NUMBL: variants seen among roughly 807,000 people sequenced by gnomAD.
The protein encoded by NUMBL is numb-like protein.
Under a neutral mutation model 48.9 loss-of-function variants are expected in NUMBL, and 20 were observed. The observed-to-expected ratio is 0.41, with a 90% CI of 0.29 to 0.59. The LOEUF (loss-of-function observed/expected upper bound fraction) is 0.59, where lower values mean the gene tolerates loss of function less well. Among genes scored for constraint, NUMBL ranks in the 20% least tolerant of loss-of-function variants. NUMBL has a pLI of 0.31. For missense variants in NUMBL, 660 were observed against 846.2 expected (o/e 0.78, Z 2.73); for synonymous variants, 340 against 348.7 (o/e 0.98, Z 0.28).
Position 40,677,269 on chromosome 19 carries a change from C to T in NUMBL, c.693G>A (p.Gly231=), listed in dbSNP as rs2144656853. ...CCGGGGCCTCTCGCTCAGCAGGCCG[C>T]CCACCCCCAGACAGGCGGAAGGAGC... ...REGSFRLSGG[G]RPAEREAPDK... is the part of the protein sequence containing the mutation. The change falls in exon 7 of 10, where the codon GGG becomes GGA. Residue 231 remains glycine, a synonymous_variant. Coordinates refer to ENST00000252891, the MANE Select transcript of NUMBL (RefSeq NM_004756.5). 6.3e-7 allele frequency: 1 copy of T among 1,594,066 alleles called. No homozygotes were observed. Among genetic ancestry groups the T allele is most frequent in the Non-Finnish European group, 8.5e-7 (1 of 1,171,168 alleles).
intron 1 of NUMBL, among the ~76,000 whole-genome samples, chr19:40,689,265 T>C (rs66500423): frequency 0.25 from 37,274 of 151,708 alleles, 5,119 homozygotes; most frequent in Non-Finnish European, 0.31. Flanking sequence ...AAAGACACAA[T>C]CACAGACAAC....
At position 40,682,171 on chromosome 19, in the gene NUMBL, G is replaced by A. The variant is rs1418208709; in HGVS notation, c.399+557C>T. ...GATGGAGTTTAGCTCTTGTTGCCCAGGCTGGAGTGCAATGGCATGATCTCC... is the reference window on the plus strand; with the variant it reads ...GATGGAGTTTAGCTCTTGTTGCCCAAGCTGGAGTGCAATGGCATGATCTCC... On this transcript the variant is annotated intron_variant, in intron 5 of 9. Coordinates refer to ENST00000252891, the MANE Select transcript of NUMBL (RefSeq NM_004756.5). This position sits in a 1 kb window ranked among gnomAD's most constrained non-coding sequence, Gnocchi z 4.0. 2.0e-5 allele frequency among the ~76,000 whole-genome samples: 3 copies of A among 152,022 alleles called. No individual in the cohort carries two copies. The highest frequency in any genetic ancestry group is 7.2e-5 in the African/African-American group (3 of 41,380).
intron 7 of NUMBL, among the ~76,000 whole-genome samples, chr19:40,674,594 C>T (rs1371572768): frequency 6.6e-6 from 1 of 152,182 alleles, no homozygotes; most frequent in African/African-American, 2.4e-5. Context: ...GGATGTCGCC[C>T]AGTGCTGCTT....
chr19:40,675,983 A>G (rs916703855), intron 7 of NUMBL, among the ~76,000 whole-genome samples: 1 of 151,930 alleles, frequency 6.6e-6, no homozygotes, highest in Non-Finnish European at 1.5e-5. Flanking sequence ...CTCCTGCCTC[A>G]GCCTCCTGAG....
intron 1 of NUMBL, chr19:40,689,609 C>CGTCT (rs1314791742): frequency 6.6e-6 from 1 of 152,436 alleles, no homozygotes; most frequent in Non-Finnish European, 1.5e-5. Context: ...TGCAGACAGA[C>CGTCT]AGGGCTGCAC....
intron 1 of NUMBL, among the ~76,000 whole-genome samples, chr19:40,689,224 A>G (rs1445955216): frequency 6.6e-6 from 1 of 152,154 alleles, no homozygotes; most frequent in African/African-American, 2.4e-5. Context: ...ACCCAGTTAT[A>G]GTTACCGAGG....
chr19:40,690,446 C>G lies in NUMBL; in HGVS notation c.24+14G>C. 1 of 1,291,716 alleles carries G rather than the reference C, an allele frequency of 7.7e-7. No homozygotes were observed. The highest frequency in any genetic ancestry group is 9.9e-7 in the Non-Finnish European group (1 of 1,013,318). The allele number at this position is 1,291,716 out of a possible 1,614,324, so 80.0% of individuals were successfully genotyped here. A position where few individuals can be genotyped will look rare whatever the true frequency, so the allele number is the denominator to read the frequency against. On this transcript the variant is annotated intron_variant, in intron 1 of 9. Transcript: ENST00000252891. ...CCGCCCCCGACCCGAGCCCCCCTCT[C>G]CCGCCCTTCTCACGCTGGCCGCCGC...
At position 40,682,982 on chromosome 19, in the gene NUMBL, G is replaced by GA; in HGVS notation, c.250-15dup. ...GTGACCCAGGTACTTGGGTTGGAGG[G>GA]AATGGGGGGGGGGACATGAAACAGC... On this transcript the variant is annotated splice_polypyrimidine_tract_variant and intron_variant, in intron 3 of 9. Transcript: ENST00000252891. The surrounding 1 kb of genome is among the most constrained non-coding windows in gnomAD (Gnocchi z 4.0). The GA allele has an allele frequency of 6.3e-7, 1 of 1,584,596 alleles. No individual in the cohort carries two copies. The highest frequency in any genetic ancestry group is 8.6e-7 in the Non-Finnish European group (1 of 1,161,332).
In NUMBL at chr19:40,667,771, G is replaced by A. The variant is rs2144645603; in HGVS notation, c.1527C>T (p.Gly509=). The A allele has an allele frequency of 2.5e-6, 4 of 1,580,540 alleles. No homozygotes were observed. The highest frequency in any genetic ancestry group is 3.4e-6 in the Non-Finnish European group (4 of 1,163,692). ...TTGCCACCATCTGTGAGGGTGTGAT[G>A]CCCACCACGGGCACCCGGGGCATCG... ...YPPMPRVPVV[G]ITPSQMVANA... Residue 509 remains glycine, a synonymous_variant, in exon 10 of 10, where the codon GGC becomes GGT. Coordinates refer to ENST00000252891, the MANE Select transcript of NUMBL (RefSeq NM_004756.5). The surrounding 1 kb of genome is among the most constrained non-coding windows in gnomAD (Gnocchi z 6.1).
intron 5 of NUMBL, among the ~76,000 whole-genome samples, chr19:40,681,990 A>T (rs535981130): frequency 1.9e-3 from 291 of 152,038 alleles, no homozygotes; most frequent in African/African-American, 6.7e-3. Context: ...AAATTTTTTT[A>T]AAAATTATTT....
At position 40,682,839 on chromosome 19, in the gene NUMBL, G is replaced by A; in HGVS notation, c.325-37C>T. 5.0e-6 allele frequency: 8 copies of A among 1,613,964 alleles called. No individual in the cohort carries two copies. The highest frequency in any genetic ancestry group is 6.8e-6 in the Non-Finnish European group (8 of 1,179,896). On this transcript the variant is annotated intron_variant, in intron 4 of 9. Transcript: ENST00000252891. This position sits in a 1 kb window ranked among gnomAD's most constrained non-coding sequence, Gnocchi z 4.0. ...CAAGGGGACAAAGGAGCCGGGTCAGGGTGCCTCTCCCTGTCTGACCTTGCC... is the reference window on the plus strand; with the variant it reads ...CAAGGGGACAAAGGAGCCGGGTCAGAGTGCCTCTCCCTGTCTGACCTTGCC...
Position 40,686,958 on chromosome 19 carries a change from G to A in NUMBL, c.62C>T (p.Ala21Val), listed in dbSNP as rs1321881909. 9 of 1,537,932 alleles carry A rather than the reference G, an allele frequency of 5.9e-6. No individual in the cohort carries two copies. The highest frequency in any genetic ancestry group is 2.1e-5 in the Admixed American group (1 of 47,196). Residue 21 changes from alanine (A) to valine (V), a missense_variant, in exon 2 of 10, where the codon GCC (alanine) becomes GTC (valine). Around this residue, in one of 3 missense-constraint regions of NUMBL, gnomAD observed 86 missense variants for 85.9 expected, o/e 1.00. Transcript: ENST00000252891. ...PRRPERHLPP[A>V]PCGAPGPPET... ...TGGGGGCCCCGGGGCCCCACAGGGG[G>A]CTGGGGGCAGGTGCCGCTCAGGCCT...
chr19:40,670,135 T>C, intron 8 of NUMBL, 115 bp from the exon 9 acceptor site: 2 of 1,307,898 alleles, frequency 1.5e-6, no homozygotes, highest in Non-Finnish European at 2.0e-6. Flanking sequence ...TTTCCCACTG[T>C]AGTAACTAAG....
chr19:40,686,894 C>A lies in NUMBL; in HGVS notation c.109+17G>T. The A allele has an allele frequency of 6.6e-7, 1 of 1,519,204 alleles. No individual in the cohort carries two copies. The highest frequency in any genetic ancestry group is 8.9e-7 in the Non-Finnish European group (1 of 1,117,910). The allele number at this position is 1,519,204 out of a possible 1,614,324, so 94.1% of individuals were successfully genotyped here. ...CATACCCATTCAGCCCTGCCCTGTC[C>A]CAGGCTGGTCGCTCACCTGGCTCCG... On this transcript the variant is annotated intron_variant, in intron 2 of 9. Transcript: ENST00000252891.
intron 6 of NUMBL, among the ~76,000 whole-genome samples, chr19:40,678,995 G>T (rs1004023416): frequency 6.6e-6 from 1 of 152,104 alleles, no homozygotes; most frequent in Non-Finnish European, 1.5e-5. Context: ...GGAGGCTGTG[G>T]CAGGAGAATC....
chr19:40,685,693 T>C (rs1599914491), intron 2 of NUMBL: 1 of 153,454 alleles, frequency 6.5e-6, no homozygotes, highest in South Asian at 2.1e-4. Context: ...TTTCAAAGGG[T>C]GTGTCCATGG....
intron 7 of NUMBL, among the ~76,000 whole-genome samples, chr19:40,674,703 C>G (rs1486550997): frequency 6.6e-6 from 1 of 152,228 alleles, no homozygotes; most frequent in Non-Finnish European, 1.5e-5. Flanking sequence ...TCTGCCTCCA[C>G]TCACTGTGTG....
chr19:40,682,796 G>C lies in NUMBL; in HGVS notation c.331C>G (p.Arg111Gly). Residue 111 changes from arginine to glycine, a missense_variant, in exon 5 of 10, where the codon CGA becomes GGA. Physicochemically the swap from Arg to Gly is moderately radical, Grantham distance 125. Coordinates refer to ENST00000252891, the MANE Select transcript of NUMBL (RefSeq NM_004756.5). The surrounding 1 kb of genome is among the most constrained non-coding windows in gnomAD (Gnocchi z 4.0). ...DAVKKLKAMG[R>G]KSVKSVLWVS... ...CACAGGACAGACTTCACGGACTTTC[G>C]GCCCATCTGGAGGGAGGCAAGGGGA... 2 of 1,614,088 alleles carry C rather than the reference G, an allele frequency of 1.2e-6. No homozygotes were observed. The highest frequency in any genetic ancestry group is 1.7e-6 in the Non-Finnish European group (2 of 1,180,010).
intron 6 of NUMBL, among the ~76,000 whole-genome samples, 170 bp downstream of exon 6, chr19:40,680,747 C>A (rs894072221): frequency 2.0e-5 from 3 of 152,196 alleles, no homozygotes; most frequent in African/African-American, 7.2e-5. Context: ...CTGCACCCGG[C>A]CCTCACGTGA....
Sources: gnomAD v4.1 joint callset for allele counts (sites outside exome capture counted in the v4.1 genomes callset) on GRCh38, gnomAD v4.1.1 for gene constraint, gnomAD v4.1.1 regional missense constraint, Gnocchi (gnomAD v3.1) non-coding constraint, MANE v1.5 for transcripts, NCBI Gene and HGNC (gene_info 2026-07-23, HGNC 2026-07-21) for gene names.